Variants in RUNX3 observed in about 807,000 individuals in gnomAD.
The protein encoded by RUNX3 is RUNX family transcription factor 3, also known as runt-related transcription factor 3.
RUNX3 carries 10 observed loss-of-function variants against 27.7 expected under a neutral mutation model. The observed-to-expected ratio is 0.36, with a 90% CI of 0.22 to 0.61. RUNX3 has a LOEUF of 0.61. Ranked by LOEUF, RUNX3 falls within the 20% of genes least tolerant of loss-of-function variation. RUNX3 has a pLI of 0.72. For synonymous variants in RUNX3, 270 were observed against 269.2 expected, an observed-to-expected ratio of 1.00 and a Z score of -0.03; for missense variants, 469 against 629.5, an observed-to-expected ratio of 0.75 and a Z score of 2.73.
chr1:24,952,120 G>A (rs943974980), intron 2 of RUNX3, among the ~76,000 whole-genome samples: 2 of 152,170 alleles, frequency 1.3e-5, no homozygotes, highest in African/African-American at 4.8e-5. Context: ...ATTACGAATT[G>A]ATTCATTTCA....
Position 24,955,106 on chromosome 1 carries a change from C to A in RUNX3, c.58+9408G>T, listed in dbSNP as rs892538551. Among the ~76,000 whole-genome samples, 3 of 152,182 alleles carry A rather than the reference C, an allele frequency of 2.0e-5. No individual in the cohort carries two copies. The East Asian group carries it at 5.8e-4, about 29-fold the overall frequency. ...GCCCATGCTGTTCACTCTGCTTGTA[C>A]CAGCAAGGTTCCTTCCTCCCCAGAT... On this transcript the variant is annotated intron_variant, in intron 2 of 6. Transcript: ENST00000338888.
chr1:24,945,708 A>G (rs2124347583), intron 2 of RUNX3, among the ~76,000 whole-genome samples: 1 of 152,288 alleles, frequency 6.6e-6, no homozygotes, highest in African/African-American at 2.4e-5. Flanking sequence ...CATTCCCCTG[A>G]ACACTGTGGA....
Position 24,930,251 on chromosome 1 carries a change from G to A in RUNX3, c.-383C>T. 2.0e-6 allele frequency: 2 copies of A among 983,568 alleles called. No homozygotes were observed. The highest frequency in any genetic ancestry group is 1.1e-4 in the East Asian group (1 of 8,744). 60.9% of individuals were successfully genotyped at this position (983,568 alleles called of 1,614,324 possible). On this transcript the variant is annotated 5_prime_UTR_variant, in exon 1 of 5. Transcript: ENST00000308873. The surrounding 1 kb of genome is among the most constrained non-coding windows in gnomAD (Gnocchi z 4.1). ...CCCCGACTCCGCGGCCGCAGCCCCA[G>A]AACAAATCCTCCAGAATCAAGTGGC...
chr1:24,948,442 G>A (rs1202979996), intron 2 of RUNX3, among the ~76,000 whole-genome samples: 1 of 152,170 alleles, frequency 6.6e-6, no homozygotes, highest in Non-Finnish European at 1.5e-5. Context: ...TTGCTGAGCT[G>A]GGACAGCCTG....
chr1:24,941,409 C>T (rs1457458002), intron 2 of RUNX3, among the ~76,000 whole-genome samples: 1 of 152,206 alleles, frequency 6.6e-6, no homozygotes, highest in South Asian at 2.1e-4. Context: ...TAGTAACTAG[C>T]GTTATGTACA....
In RUNX3 at chr1:24,919,259, G is replaced by A. The variant is rs779977917; in HGVS notation, c.525C>T (p.Asp175=). 20 of 1,599,514 alleles carry A rather than the reference G, an allele frequency of 1.3e-5. No homozygotes were observed. Among genetic ancestry groups the A allele is most frequent in the Admixed American group, 8.7e-5 (5 of 57,580 alleles). Residue 175 remains aspartate (D), a synonymous_variant, in exon 3 of 5, where the codon GAC becomes GAT. Coordinates refer to ENST00000308873, the MANE Select transcript of RUNX3 (RefSeq NM_004350.3). Reference sequence around the variant, plus strand: ...ACTTACGTCTGGGCTCCCGGGGTCCGTCCACGGTCACCTTGATGGCTCGGT... The same window carrying A: ...ACTTACGTCTGGGCTCCCGGGGTCCATCCACGGTCACCTTGATGGCTCGGT... ...TYHRAIKVTV[D]GPREPRRHRQ... is the part of the protein sequence containing the mutation.
chr1:24,961,003 C>T (rs1340480971), intron 2 of RUNX3, among the ~76,000 whole-genome samples: 7 of 152,188 alleles, frequency 4.6e-5, no homozygotes, highest in African/African-American at 1.4e-4. Flanking sequence ...CATGCACCAG[C>T]CCTGAGGGTA....
intron 3 of RUNX3, among the ~76,000 whole-genome samples, chr1:24,908,860 C>T (rs1482907883): frequency 2.0e-5 from 3 of 152,242 alleles, no homozygotes; most frequent in Admixed American, 2.0e-4. Flanking sequence ...CCCTAAGTCA[C>T]TCTGGGATCC....
chr1:24,924,481 T>TC (rs1641061874), intron 2 of RUNX3, among the ~76,000 whole-genome samples: 1 of 130,944 alleles, frequency 7.6e-6, no homozygotes, highest in Admixed American at 7.2e-5. Flanking sequence ...AAGACAGTTC[T>TC]TTTTTTTTTT....
intron 3 of RUNX3, among the ~76,000 whole-genome samples, chr1:24,908,083 C>CGACACGCGGTGATCCGAACCTCTAT (rs1640709753): frequency 2.7e-5 from 4 of 146,226 alleles, no homozygotes; most frequent in African/African-American, 1.1e-4. Flanking sequence ...CGAACCTCTA[C>CGACACGCGGTGATCCGAACCTCTAT]GACACGCGGT....
intron 1 of RUNX3, chr1:24,928,848 G>A (rs1641151098): frequency 5.7e-6 from 2 of 348,464 alleles, no homozygotes; most frequent in Non-Finnish European, 1.1e-5. Context: ...CCAGCCGCCG[G>A]CCCTTCCTGC....
At chr1:24,956,365 G>C (rs1848186) in intron 2 of RUNX3, among the ~76,000 whole-genome samples, 17 of 152,166 alleles carry the variant, frequency 1.1e-4, no homozygotes, top group African/African-American at 4.1e-4. Flanking sequence ...ATAAAATAAA[G>C]GTTACCTGCC....
At chr1:24,936,962 GC>G (rs1378849444) in intron 2 of RUNX3, among the ~76,000 whole-genome samples, 1 of 152,244 alleles carries the variant, frequency 6.6e-6, no homozygotes, top group Non-Finnish European at 1.5e-5. Flanking sequence ...AAAAAGTGCA[GC>G]CCTTTGCGGA....
At chr1:24,920,753 C>T (rs759863566) in intron 2 of RUNX3, among the ~76,000 whole-genome samples, 1 of 152,160 alleles carries the variant, frequency 6.6e-6, no homozygotes, top group Non-Finnish European at 1.5e-5. Flanking sequence ...GTTCTTCTAT[C>T]GTTTTATGTT....
chr1:24,919,081 G>A, intron 3 of RUNX3, among the ~76,000 whole-genome samples, 159 bp downstream of exon 3: 1 of 152,260 alleles, frequency 6.6e-6, no homozygotes, highest in South Asian at 2.1e-4. Flanking sequence ...AAGCCCAGAG[G>A]GTTTAGGGGT....
At position 24,915,826 on chromosome 1, in the gene RUNX3, C is replaced by T. The variant is rs1296441704; in HGVS notation, c.544+3414G>A. 2.0e-5 allele frequency among the ~76,000 whole-genome samples: 3 copies of T among 152,146 alleles called. No individual in the cohort carries two copies. In the East Asian group the frequency reaches 5.8e-4, roughly 29 times the overall value. On this transcript the variant is annotated intron_variant, in intron 3 of 4. Transcript: ENST00000308873. The stretch of plus-strand genomic sequence containing the variant: ...TAGGGGGGCGTGAGGGCCTTTCCCC[C>T]ACCGTGGTCCATGCCAGACTTGCCA...
In RUNX3 at chr1:24,902,987, A is replaced by G. The variant is rs1640592791; in HGVS notation, c.704-321T>C. Among the ~76,000 whole-genome samples, 1 of 152,146 alleles carries G rather than the reference A, an allele frequency of 6.6e-6. No individual in the cohort carries two copies. Among genetic ancestry groups the G allele is most frequent in the Non-Finnish European group, 1.5e-5 (1 of 68,004 alleles). On this transcript the variant is annotated intron_variant, in intron 4 of 4. Coordinates refer to ENST00000308873, the MANE Select transcript of RUNX3 (RefSeq NM_004350.3). The surrounding 1 kb of genome is among the most constrained non-coding windows in gnomAD (Gnocchi z 9.2). ...CAGCCTCGCAGAGGAGAGGCCTAGG[A>G]TGCGGTGGTGGGGCTGAGGGCAGAG...
In RUNX3 at chr1:24,923,912, G is replaced by A. The variant is rs1212602259; in HGVS notation, c.439+3662C>T. On this transcript the variant is annotated intron_variant, in intron 2 of 4. Transcript: ENST00000308873. This position sits in a 1 kb window ranked among gnomAD's most constrained non-coding sequence, Gnocchi z 5.9. The stretch of plus-strand genomic sequence containing the variant: ...TTAGGCCAGTGGCCGCCTGCTAGAG[G>A]GGCATTTTTGGGATTTGTGGTGGCG... Among the ~76,000 whole-genome samples, 1 of 152,190 alleles carries A rather than the reference G, an allele frequency of 6.6e-6. No individual in the cohort carries two copies. Among genetic ancestry groups the A allele is most frequent in the African/African-American group, 2.4e-5 (1 of 41,434 alleles).
At chr1:24,953,603 G>A (rs1227504679) in intron 2 of RUNX3, among the ~76,000 whole-genome samples, 2 of 152,140 alleles carry the variant, frequency 1.3e-5, no homozygotes, top group African/African-American at 4.8e-5. Flanking sequence ...CACAGACATG[G>A]GACATTACTA....
Sources: gnomAD v4.1 joint callset for allele counts (sites outside exome capture counted in the v4.1 genomes callset) on GRCh38, gnomAD v4.1.1 for gene constraint, Gnocchi (gnomAD v3.1) non-coding constraint, MANE v1.5 for transcripts, NCBI Gene and HGNC (gene_info 2026-07-23, HGNC 2026-07-21) for gene names.